MAPRE2: variants seen among roughly 807,000 people sequenced by gnomAD.
MAPRE2 encodes microtubule associated protein RP/EB family member 2.
MAPRE2 carries 13 observed loss-of-function variants against 43.2 expected under a neutral mutation model. The ratio of observed to expected loss-of-function variants is 0.30; its 90% CI spans 0.20 to 0.48. The LOEUF (loss-of-function observed/expected upper bound fraction) is 0.48. MAPRE2 is among the 20% of genes least tolerant of loss of function. The pLI, the probability that MAPRE2 is intolerant of heterozygous loss-of-function variation, is 0.99. For missense variants in MAPRE2, 161 were observed against 400.2 expected (o/e 0.40, Z 5.10); for synonymous variants, 135 against 148.8 (o/e 0.91, Z 0.68).
intron 2 of MAPRE2, among the ~76,000 whole-genome samples, chr18:35,008,811 A>G (rs1425802251): frequency 1.3e-5 from 2 of 152,250 alleles, no homozygotes; most frequent in African/African-American, 4.8e-5. Context: ...TATTTTTCCC[A>G]GAGATTTGGA....
chr18:34,997,542 A>G (rs1323082239), intron 1 of MAPRE2, among the ~76,000 whole-genome samples: 2 of 152,236 alleles, frequency 1.3e-5, no homozygotes, highest in African/African-American at 4.8e-5. Context: ...TCAGCTGGGC[A>G]CAGTGGCTAA....
chr18:35,086,883 T>G (rs1456720952), intron 2 of MAPRE2, among the ~76,000 whole-genome samples: 1 of 152,208 alleles, frequency 6.6e-6, no homozygotes, highest in Non-Finnish European at 1.5e-5. Context: ...AATGTGGGTG[T>G]TTTTATGTCT....
intron 1 of MAPRE2, among the ~76,000 whole-genome samples, chr18:35,056,910 C>T (rs1187013652): frequency 2.0e-5 from 3 of 152,198 alleles, no homozygotes; most frequent in Non-Finnish European, 4.4e-5. Flanking sequence ...CATAGCATAG[C>T]GCTGCAGAAT....
At chr18:34,980,239 G>A (rs891666079) in intron 1 of MAPRE2, among the ~76,000 whole-genome samples, 2 of 151,720 alleles carry the variant, frequency 1.3e-5, no homozygotes, top group South Asian at 2.1e-4. Context: ...TGGCCAGGCC[G>A]GTCTTGAACT....
At chr18:35,093,390 G>A (rs768376813) in intron 2 of MAPRE2, among the ~76,000 whole-genome samples, 42 of 152,086 alleles carry the variant, frequency 2.8e-4, no homozygotes, top group Non-Finnish European at 5.1e-4. Context: ...TAGAACTACC[G>A]TATGATCCAG....
intron 4 of MAPRE2, among the ~76,000 whole-genome samples, chr18:35,118,633 C>G (rs768747971): frequency 9.2e-5 from 14 of 152,202 alleles, no homozygotes; most frequent in Non-Finnish European, 1.6e-4. Flanking sequence ...CCTCCCTGGT[C>G]TGTTCTCAAC....
intron 4 of MAPRE2, among the ~76,000 whole-genome samples, chr18:35,114,174 A>T (rs573961722): frequency 6.6e-6 from 1 of 152,242 alleles, no homozygotes; most frequent in South Asian, 2.1e-4. Context: ...TGCGTCTCTC[A>T]TATGTCATGG....
At chr18:35,067,846 G>C (rs1021326900) in intron 1 of MAPRE2, among the ~76,000 whole-genome samples, 3 of 152,064 alleles carry the variant, frequency 2.0e-5, no homozygotes, top group African/African-American at 7.2e-5. Context: ...TTTAAAAATT[G>C]ACTACATTTA....
intron 2 of MAPRE2, chr18:35,081,916 G>A (rs1212312394): frequency 6.6e-6 from 1 of 152,172 alleles, no homozygotes; most frequent in East Asian, 1.9e-4. Flanking sequence ...GTGGGTAATG[G>A]TTCAGTAGAA....
intron 2 of MAPRE2, among the ~76,000 whole-genome samples, chr18:35,018,979 C>A (rs2097040269): frequency 6.6e-6 from 1 of 152,122 alleles, no homozygotes; most frequent in South Asian, 2.1e-4. Context: ...CCTCCTAACA[C>A]TGCATTTGCT....
At chr18:35,136,069 T>C (rs1350324303) in intron 6 of MAPRE2, among the ~76,000 whole-genome samples, 1 of 152,162 alleles carries the variant, frequency 6.6e-6, no homozygotes, top group Non-Finnish European at 1.5e-5. Flanking sequence ...CAGAATATGG[T>C]GTTTGGAAGA....
intron 1 of MAPRE2, among the ~76,000 whole-genome samples, chr18:34,985,344 T>TTTTA (rs2097019567): frequency 2.5e-4 from 11 of 44,594 alleles, no homozygotes; most frequent in African/African-American, 1.1e-3. Flanking sequence ...ATATAATATA[T>TTTTA]TATATTATAT....
In MAPRE2 at chr18:35,016,024, A is replaced by G. The variant is rs375307668; in HGVS notation, c.-8+10471A>G. Among the ~76,000 whole-genome samples the G allele has an allele frequency of 7.9e-5, 12 of 152,070 alleles. No homozygotes were observed. The East Asian group carries it at 1.5e-3, about 20-fold the overall frequency. ...TTATGTCCATAAGTACCCAATGTCC[A>G]GTTCCCACTTATGAGAATATGTGGT... On this transcript the variant is annotated intron_variant, in intron 2 of 7. Coordinates refer to the MAPRE2 transcript ENST00000413393.
At chr18:35,096,988 T>G (rs1027700980) in intron 2 of MAPRE2, among the ~76,000 whole-genome samples, 1 of 152,344 alleles carries the variant, frequency 6.6e-6, no homozygotes, top group Non-Finnish European at 1.5e-5. Flanking sequence ...GAGCTACACA[T>G]TTCATGAGAA....
intron 1 of MAPRE2, 177 bp downstream of exon 1, chr18:35,041,838 G>A: frequency 1.4e-6 from 2 of 1,423,274 alleles, no homozygotes; most frequent in Non-Finnish European, 1.8e-6. Flanking sequence ...TTGCATTGAG[G>A]CTCCGCGACT....
chr18:35,120,320 C>T (rs990741315), intron 4 of MAPRE2, among the ~76,000 whole-genome samples: 1 of 152,226 alleles, frequency 6.6e-6, no homozygotes, highest in Non-Finnish European at 1.5e-5. Flanking sequence ...AAAGGAAGAG[C>T]TGCAGACCTC....
intron 2 of MAPRE2, among the ~76,000 whole-genome samples, chr18:35,029,019 G>C (rs561979319): frequency 6.6e-6 from 1 of 152,298 alleles, no homozygotes; most frequent in South Asian, 2.1e-4. Context: ...ATGTTTTCAT[G>C]TGCTACACTA....
At chr18:35,097,274 T>C (rs988583474) in intron 2 of MAPRE2, among the ~76,000 whole-genome samples, 172 bp from the exon 3 acceptor site, 1 of 152,182 alleles carries the variant, frequency 6.6e-6, no homozygotes, top group African/African-American at 2.4e-5. Context: ...GTCCCTTCCC[T>C]CTAGCTCCCA....
At chr18:35,097,636 A>G (rs935652764) in intron 3 of MAPRE2, 45 bp downstream of exon 3, 1 of 1,562,622 alleles carries the variant, frequency 6.4e-7, no homozygotes, top group Non-Finnish European at 8.7e-7. Flanking sequence ...TTTTCTTAAA[A>G]TTGTTTTTGT....
Sources: gnomAD v4.1 joint callset for allele counts (sites outside exome capture counted in the v4.1 genomes callset) on GRCh38, gnomAD v4.1.1 for gene constraint, MANE v1.5 for transcripts, NCBI Gene and HGNC (gene_info 2026-07-23, HGNC 2026-07-21) for gene names.